Variants in ELP4 observed in about 807,000 individuals in gnomAD.
The protein encoded by ELP4 is elongator acetyltransferase complex subunit 4, also known as elongator complex protein 4.
ELP4 carries 51 observed loss-of-function variants against 48.9 expected under a neutral mutation model. The ratio of observed to expected loss-of-function variants is 1.04; its 90% CI spans 0.83 to 1.32. The LOEUF is 1.32. Among genes scored for constraint, ELP4 ranks in the 40% most tolerant of loss-of-function variants. ELP4 has a pLI of 0.00. For missense variants in ELP4, 519 were observed against 514.6 expected (o/e 1.01, Z -0.08); for synonymous variants, 210 against 189.2 (o/e 1.11, Z -0.90).
chr11:31,742,927 A>T (rs544507425), intron 9 of ELP4, among the ~76,000 whole-genome samples: 28 of 152,334 alleles, frequency 1.8e-4, no homozygotes, highest in Non-Finnish European at 3.7e-4. Flanking sequence ...AAATGGGCTA[A>T]ATGCTCCAAT....
chr11:31,684,661 A>G (rs1946125837), intron 9 of ELP4, among the ~76,000 whole-genome samples: 1 of 152,204 alleles, frequency 6.6e-6, no homozygotes, highest in South Asian at 2.1e-4. Flanking sequence ...CTTATGCCAA[A>G]AATAACACTA....
At chr11:31,756,087 A>G (rs1947827146) in intron 9 of ELP4, among the ~76,000 whole-genome samples, 1 of 152,224 alleles carries the variant, frequency 6.6e-6, no homozygotes, top group African/African-American at 2.4e-5. Context: ...CACAAATAGA[A>G]GTAACAAAGC....
At chr11:31,592,095 G>A (rs1193202749) in intron 3 of ELP4, among the ~76,000 whole-genome samples, 2 of 152,172 alleles carry the variant, frequency 1.3e-5, no homozygotes, top group Non-Finnish European at 2.9e-5. Context: ...GAGAGAAGGG[G>A]AATGTGGAGT....
chr11:31,717,572 A>G (rs1946866862), intron 9 of ELP4, among the ~76,000 whole-genome samples: 1 of 152,062 alleles, frequency 6.6e-6, no homozygotes, highest in African/African-American at 2.4e-5. Context: ...TGACCAATAC[A>G]GTAAAACCTC....
chr11:31,579,547 A>T (rs1183998118), intron 3 of ELP4, among the ~76,000 whole-genome samples: 1 of 152,144 alleles, frequency 6.6e-6, no homozygotes, highest in African/African-American at 2.4e-5. Context: ...GATGTCCACC[A>T]ATGATAGACT....
chr11:31,566,663 C>T, intron 3 of ELP4, among the ~76,000 whole-genome samples: 1 of 152,110 alleles, frequency 6.6e-6, no homozygotes, highest in Non-Finnish European at 1.5e-5. Context: ...CATCTGCTTA[C>T]AAAAGGCATT....
intron 5 of ELP4, 121 bp downstream of exon 5, chr11:31,604,028 T>C (rs1374247796): frequency 1.4e-6 from 1 of 692,334 alleles, no homozygotes; most frequent in Non-Finnish European, 2.1e-6. Context: ...AATATTAGTT[T>C]TCTATATAAT....
At chr11:31,772,410 G>A (rs1322714313) in intron 9 of ELP4, among the ~76,000 whole-genome samples, 3 of 152,156 alleles carry the variant, frequency 2.0e-5, no homozygotes, top group South Asian at 2.1e-4. Context: ...GTGAGCCAAC[G>A]CACCCGGCCT....
In ELP4 at chr11:31,784,875, C is replaced by G. The variant is rs919685516; in HGVS notation, c.*1351C>G. ...AGGATGTCAAATCTCTCCATCATAT[C>G]CTGTCACTACCAGTTTATTTTTTGT... On this transcript the variant is annotated 3_prime_UTR_variant, in exon 10 of 10. Coordinates refer to ENST00000640961, the MANE Select transcript of ELP4 (RefSeq NM_019040.5). 1 of 178,816 alleles carries G rather than the reference C, an allele frequency of 5.6e-6. No individual in the cohort carries two copies. Among genetic ancestry groups the G allele is most frequent in the Non-Finnish European group, 1.2e-5 (1 of 83,252 alleles). 11.1% of individuals were successfully genotyped at this position (178,816 alleles called of 1,614,324 possible). A position where few individuals can be genotyped will look rare whatever the true frequency, so the allele number is the denominator to read the frequency against.
At chr11:31,688,210 C>A (rs1030799739) in intron 9 of ELP4, among the ~76,000 whole-genome samples, 3 of 152,112 alleles carry the variant, frequency 2.0e-5, no homozygotes, top group African/African-American at 7.2e-5. Context: ...TCCCTTTCTA[C>A]AAAGAATGGT....
intron 9 of ELP4, among the ~76,000 whole-genome samples, chr11:31,755,927 G>A (rs905122864): frequency 2.0e-5 from 3 of 152,150 alleles, no homozygotes; most frequent in Admixed American, 2.0e-4. Context: ...CTTGTGGAGA[G>A]AGACTAGGAG....
chr11:31,614,539 A>G (rs1223875710), intron 5 of ELP4, among the ~76,000 whole-genome samples: 1 of 152,238 alleles, frequency 6.6e-6, no homozygotes, highest in African/African-American at 2.4e-5. Flanking sequence ...GGTATAAGAT[A>G]ACTTACATAG....
intron 1 of ELP4, among the ~76,000 whole-genome samples, chr11:31,515,480 T>G (rs1051910581): frequency 1.3e-5 from 2 of 152,098 alleles, no homozygotes; most frequent in South Asian, 4.1e-4. Flanking sequence ...AGACCCCATC[T>G]CTACAAAGAA....
At chr11:31,764,373 T>A (rs1340347181) in intron 9 of ELP4, among the ~76,000 whole-genome samples, 3 of 152,194 alleles carry the variant, frequency 2.0e-5, no homozygotes, top group Non-Finnish European at 4.4e-5. Flanking sequence ...TCATGGAAAG[T>A]AAGGAATAGG....
intron 9 of ELP4, among the ~76,000 whole-genome samples, chr11:31,694,459 G>A (rs1490463830): frequency 1.3e-5 from 2 of 152,160 alleles, no homozygotes; most frequent in African/African-American, 2.4e-5. Context: ...ATTTGTCAAA[G>A]ATCAGATAGT....
chr11:31,732,324 T>C (rs1387673940), intron 9 of ELP4, among the ~76,000 whole-genome samples: 2 of 152,130 alleles, frequency 1.3e-5, no homozygotes, highest in African/African-American at 2.4e-5. Flanking sequence ...AGAATAGTTT[T>C]TGTATGCACT....
intron 9 of ELP4, among the ~76,000 whole-genome samples, chr11:31,753,693 T>C (rs975514838): frequency 3.1e-4 from 47 of 152,190 alleles, no homozygotes; most frequent in African/African-American, 1.1e-3. Context: ...GAATGTTGAA[T>C]ATAGCATTTT....
At chr11:31,641,351 T>C (rs937072076) in intron 7 of ELP4, among the ~76,000 whole-genome samples, 3 of 151,892 alleles carry the variant, frequency 2.0e-5, no homozygotes, top group Non-Finnish European at 4.4e-5. Context: ...ATTTTTTTTC[T>C]TCAAGAAAGT....
At chr11:31,753,635 T>A (rs114491393) in intron 9 of ELP4, among the ~76,000 whole-genome samples, 1 of 152,290 alleles carries the variant, frequency 6.6e-6, no homozygotes, top group African/African-American at 2.4e-5. Flanking sequence ...CACTTGTGGA[T>A]ATACACTCTA....
Sources: allele counts gnomAD v4.1 joint callset (sites outside exome capture counted in the v4.1 genomes callset), GRCh38; gene constraint gnomAD v4.1.1; transcripts MANE v1.5; gene names NCBI Gene and HGNC (gene_info 2026-07-23, HGNC 2026-07-21).